Variants in EFCAB8 observed in about 807,000 individuals in gnomAD.
The protein encoded by EFCAB8 is EF-hand calcium binding domain 8.
A neutral mutation model predicts 116.3 loss-of-function variants in EFCAB8; 100 were observed. The observed-to-expected ratio is 0.86, with a 90% CI of 0.73 to 1.02. The LOEUF is 1.02. EFCAB8 is among the 50% of genes least tolerant of loss of function. The pLI is 0.00. For synonymous variants in EFCAB8, 558 were observed against 567.9 expected (o/e 0.98, Z 0.25); for missense variants, 1,320 against 1,416.9 (o/e 0.93, Z 1.10).
In EFCAB8 at chr20:32,918,358, A is replaced by G. The variant is rs1222908662; in HGVS notation, c.2062-4A>G. On this transcript the variant is annotated splice_region_variant and splice_polypyrimidine_tract_variant and intron_variant, in intron 18 of 26. Coordinates refer to ENST00000400522, the MANE Select transcript of EFCAB8 (RefSeq NM_001143967.2). ...CCTTAGGGGCTGCTTTCTTCTTGGT[A>G]CAGGTGCAAGATGTGAACAACTGCC... The G allele has an allele frequency of 6.4e-7, 1 of 1,551,590 alleles. No individual in the cohort carries two copies. Among genetic ancestry groups the G allele is most frequent in the African/African-American group, 1.4e-5 (1 of 73,052 alleles).
chr20:32,919,949 T>C (rs1385622830), intron 19 of EFCAB8, 129 bp from the exon 20 acceptor site: 2 of 1,243,588 alleles, frequency 1.6e-6, no homozygotes, highest in Non-Finnish European at 2.2e-6. Context: ...GCGCTGCTTT[T>C]CCCAGGCCAG....
chr20:32,874,468 C>G (rs1303259293), intron 3 of EFCAB8, among the ~76,000 whole-genome samples: 1 of 152,192 alleles, frequency 6.6e-6, no homozygotes, highest in African/African-American at 2.4e-5. Flanking sequence ...AAGTGATCCT[C>G]ATACCTCAGC....
At chr20:32,913,821 C>T (rs1987056054) in intron 17 of EFCAB8, among the ~76,000 whole-genome samples, 1 of 152,246 alleles carries the variant, frequency 6.6e-6, no homozygotes, top group Middle Eastern at 3.2e-3. Flanking sequence ...AAAAATCCAT[C>T]AGGGCAAATG....
Position 32,912,846 on chromosome 20 carries a change from A to C in EFCAB8, c.1838A>C (p.Lys613Thr). 1.4e-6 allele frequency: 1 copy of C among 719,028 alleles called. No homozygotes were observed. The highest frequency in any genetic ancestry group is 2.6e-6 in the Non-Finnish European group (1 of 385,176). The allele number at this position is 719,028 out of a possible 1,614,324, so 44.5% of individuals were successfully genotyped here. A position where few individuals can be genotyped will look rare whatever the true frequency, so the allele number is the denominator to read the frequency against. The change falls in exon 17 of 27, where the codon AAG becomes ACG. Residue 613 changes from lysine to threonine, a missense_variant. By Grantham distance (78) the Lys-to-Thr change is moderately conservative (BLOSUM62 -1). Coordinates refer to ENST00000400522, the MANE Select transcript of EFCAB8 (RefSeq NM_001143967.2). ...NKVFYVTGWSKRITHFLFHKT... is the reference protein window; with the variant it reads ...NKVFYVTGWSTRITHFLFHKT... ...GTGTTCTATGTGACAGGATGGAGTA[A>C]GAGAATCACTCATTTCCTGTGAGTA...
At chr20:32,891,744 G>A (rs944667837) in intron 7 of EFCAB8, among the ~76,000 whole-genome samples, 2 of 152,212 alleles carry the variant, frequency 1.3e-5, no homozygotes, top group Admixed American at 6.5e-5. Context: ...AGAGGCTGCC[G>A]TTCAGATGCG....
chr20:32,916,627 C>G (rs966256727), intron 17 of EFCAB8, among the ~76,000 whole-genome samples: 3 of 152,158 alleles, frequency 2.0e-5, no homozygotes, highest in African/African-American at 7.2e-5. Flanking sequence ...AATAACCTTC[C>G]AAAGGCCACA....
intron 22 of EFCAB8, among the ~76,000 whole-genome samples, chr20:32,939,145 T>C (rs1221442427): frequency 4.0e-5 from 2 of 50,598 alleles, no homozygotes; most frequent in Non-Finnish European, 8.0e-5. Flanking sequence ...CTTTCTTTCT[T>C]TCTTTCTTTC....
chr20:32,863,959 T>A, intron 2 of EFCAB8, 125 bp downstream of exon 2: 1 of 1,086,138 alleles, frequency 9.2e-7, no homozygotes, highest in Non-Finnish European at 1.3e-6. Flanking sequence ...CTCAGATATT[T>A]ACTGGGCAGG....
chr20:32,941,308 A>G (rs1222373622), intron 22 of EFCAB8, among the ~76,000 whole-genome samples: 1 of 149,388 alleles, frequency 6.7e-6, no homozygotes, highest in East Asian at 2.0e-4. Flanking sequence ...ACTTTGGAAA[A>G]CAGTCTGGCA....
At chr20:32,959,384 T>G (rs1989069712) in intron 24 of EFCAB8, among the ~76,000 whole-genome samples, 1 of 152,206 alleles carries the variant, frequency 6.6e-6, no homozygotes, top group African/African-American at 2.4e-5. Flanking sequence ...AGAATCTTTG[T>G]GACTCCTATG....
Position 32,889,375 on chromosome 20 carries a change from C to T in EFCAB8, c.642C>T (p.Leu214=), listed in dbSNP as rs969604716. Residue 214 remains leucine, a synonymous_variant, in exon 7 of 27, where the codon CTC becomes CTT. Coordinates refer to ENST00000400522, the MANE Select transcript of EFCAB8 (RefSeq NM_001143967.2). ...TGGTATGTCTGCACAATATGAACCT[C>T]GTTGCAGTTGCGTCTACCAGGCAAA... ...IDMVCLHNMN[L]VAVASTRQKI... The T allele has an allele frequency of 9.7e-6, 15 of 1,551,752 alleles. No individual in the cohort carries two copies. The East Asian group carries it at 9.8e-5, about 10-fold the overall frequency.
At chr20:32,911,830 G>A in intron 16 of EFCAB8, 123 bp downstream of exon 16, 3 of 999,214 alleles carry the variant, frequency 3.0e-6, no homozygotes, top group Non-Finnish European at 4.5e-6. Flanking sequence ...TAGTCAGGTG[G>A]CCTGGCTTCA....
chr20:32,939,839 T>G (rs1021533520), intron 22 of EFCAB8, among the ~76,000 whole-genome samples: 1 of 147,512 alleles, frequency 6.8e-6, no homozygotes, highest in Non-Finnish European at 1.5e-5. Flanking sequence ...GGATTACAGG[T>G]GCCCGCCACC....
chr20:32,864,128 C>T (rs1211155281), intron 2 of EFCAB8, among the ~76,000 whole-genome samples: 1 of 151,998 alleles, frequency 6.6e-6, no homozygotes, highest in African/African-American at 2.4e-5. Context: ...AGGCATGTGC[C>T]ACCATGCCCA....
chr20:32,961,047 C>A, intron 26 of EFCAB8, 89 bp from the exon 27 acceptor site: 2 of 1,140,752 alleles, frequency 1.8e-6, no homozygotes, highest in Non-Finnish European at 2.6e-6. Flanking sequence ...GACCTCAGGG[C>A]GCCTCCTTCC....
At chr20:32,940,152 T>G (rs1988361826) in intron 22 of EFCAB8, among the ~76,000 whole-genome samples, 1 of 147,512 alleles carries the variant, frequency 6.8e-6, no homozygotes, top group South Asian at 2.1e-4. Flanking sequence ...GTTGAAGGAC[T>G]CACAATTCCC....
Position 32,885,511 on chromosome 20 carries a change from T to C in EFCAB8, c.438T>C (p.His146=). 1.3e-6 allele frequency: 2 copies of C among 1,551,732 alleles called. No individual in the cohort carries two copies. Among genetic ancestry groups the C allele is most frequent in the Non-Finnish European group, 1.7e-6 (2 of 1,146,990 alleles). The change falls in exon 6 of 27, where the codon CAT becomes CAC. Residue 146 remains histidine (H), a synonymous_variant. Coordinates refer to ENST00000400522, the MANE Select transcript of EFCAB8 (RefSeq NM_001143967.2). The stretch of plus-strand genomic sequence containing the variant: ...CTTTCATCGCCTCCCACAGGAACCA[T>C]GGCTGTGAGGTGGTGAAGGTGGTGT... ...YLPMTVVPLN[H]GCEVVKVVFL...
At chr20:32,957,256 A>G (rs1319525219) in intron 23 of EFCAB8, among the ~76,000 whole-genome samples, 1 of 150,696 alleles carries the variant, frequency 6.6e-6, no homozygotes, top group African/African-American at 2.4e-5. Flanking sequence ...TCTAATGCCT[A>G]TTTCTTCTCT....
intron 23 of EFCAB8, among the ~76,000 whole-genome samples, chr20:32,954,726 A>G (rs1988910898): frequency 6.6e-6 from 1 of 152,200 alleles, no homozygotes; most frequent in Non-Finnish European, 1.5e-5. Flanking sequence ...TAATTAGCCA[A>G]GAGAGTTAAA....
Sources: allele counts gnomAD v4.1 joint callset (sites outside exome capture counted in the v4.1 genomes callset), GRCh38; gene constraint gnomAD v4.1.1; transcripts MANE v1.5; gene names NCBI Gene and HGNC (gene_info 2026-07-23, HGNC 2026-07-21).